Variants in STXBP5 observed in about 807,000 individuals in gnomAD.
The protein encoded by STXBP5 is syntaxin-binding protein 5.
Under a neutral mutation model 152.4 loss-of-function variants are expected in STXBP5, and 50 were observed. The observed-to-expected ratio is 0.33, with a 90% confidence interval of 0.26 to 0.42. The LOEUF is 0.42. Among genes scored for constraint, STXBP5 ranks in the 10% least tolerant of loss-of-function variants. The pLI, the probability that STXBP5 is intolerant of heterozygous loss-of-function variation, is 1.00. For missense variants in STXBP5, 1,167 were observed against 1,388.6 expected (o/e 0.84, Z 2.54); for synonymous variants, 492 against 494.7 (o/e 0.99, Z 0.07).
intron 2 of STXBP5, among the ~76,000 whole-genome samples, chr6:147,214,371 C>T (rs1184115338): frequency 1.3e-5 from 2 of 151,970 alleles, no homozygotes; most frequent in Non-Finnish European, 1.5e-5. Context: ...CTCTGTTTAC[C>T]ATGTAACTTA....
In STXBP5 at chr6:147,388,619, A is replaced by T. The variant is rs759821240; in HGVS notation, c.*3864A>T. 3.3e-5 allele frequency: 5 copies of T among 151,394 alleles called. No individual in the cohort carries two copies. Among genetic ancestry groups the T allele is most frequent in the African/African-American group, 4.8e-5 (2 of 41,368 alleles). 9.4% of individuals were successfully genotyped at this position (151,394 alleles called of 1,614,324 possible). A position where few individuals can be genotyped will look rare whatever the true frequency, so the allele number is the denominator to read the frequency against. On this transcript the variant is annotated 3_prime_UTR_variant, in exon 28 of 28. Transcript: ENST00000321680. ...GATACAATTAATTTTAAAAAATCATACATCATTTAAAAATCTTCACACATG... is the reference window on the plus strand; with the variant it reads ...GATACAATTAATTTTAAAAAATCATTCATCATTTAAAAATCTTCACACATG...
intron 2 of STXBP5, 73 bp downstream of exon 2, chr6:147,206,141 C>G (rs937697226): frequency 3.8e-5 from 51 of 1,325,334 alleles, no homozygotes; most frequent in Admixed American, 7.5e-5. Context: ...CTGATTAGTT[C>G]CAAAGAAAGT....
chr6:147,264,161 C>G (rs890620210), intron 6 of STXBP5, among the ~76,000 whole-genome samples: 3 of 151,768 alleles, frequency 2.0e-5, no homozygotes, highest in Non-Finnish European at 4.4e-5. Context: ...AGACTCTTTC[C>G]TGTTTGCAAA....
intron 25 of STXBP5, among the ~76,000 whole-genome samples, chr6:147,369,061 A>G (rs1034853782): frequency 6.6e-6 from 1 of 152,088 alleles, no homozygotes; most frequent in African/African-American, 2.4e-5. Context: ...TGGAAGGGCT[A>G]ACACTACCTT....
chr6:147,331,379 A>T (rs1783561390), intron 18 of STXBP5, among the ~76,000 whole-genome samples: 1 of 152,240 alleles, frequency 6.6e-6, no homozygotes, highest in Non-Finnish European at 1.5e-5. Flanking sequence ...TTACATATAG[A>T]ACAGAAAACA....
At chr6:147,359,854 C>T (rs183794949) in intron 23 of STXBP5, among the ~76,000 whole-genome samples, 6 of 152,056 alleles carry the variant, frequency 3.9e-5, no homozygotes, top group African/African-American at 1.4e-4. Flanking sequence ...TTAATCCAGT[C>T]TATCATTGTT....
chr6:147,319,391 T>C (rs1200701141), intron 16 of STXBP5, among the ~76,000 whole-genome samples: 1 of 152,194 alleles, frequency 6.6e-6, no homozygotes, highest in East Asian at 1.9e-4. Flanking sequence ...CCACTGATAG[T>C]AAAACACTAG....
chr6:147,386,732 ATTTTAAAGGTACAGTT>A lies in STXBP5; in HGVS notation c.*1980_*1995del, dbSNP rs1208733308. ...TATGTCACAGGAATTGTTAGGTCCT[ATTTTAAAGGTACAGTT>A]TTGTGAATGTCATCAATAAAATCAA... is the stretch of plus-strand genomic sequence containing the variant. On this transcript the variant is annotated 3_prime_UTR_variant, in exon 28 of 28. Coordinates refer to ENST00000321680, the MANE Select transcript of STXBP5 (RefSeq NM_001127715.4). The A allele has an allele frequency of 6.6e-6, 1 of 151,838 alleles. No individual in the cohort carries two copies. The highest frequency in any genetic ancestry group is 6.6e-5 in the Admixed American group (1 of 15,206). The allele number at this position is 151,838 out of a possible 1,614,324, so 9.4% of individuals were successfully genotyped here. A position where few individuals can be genotyped will look rare whatever the true frequency, so the allele number is the denominator to read the frequency against.
intron 11 of STXBP5, 108 bp downstream of exon 11, chr6:147,311,635 C>A: frequency 1.2e-6 from 1 of 813,164 alleles, no homozygotes; most frequent in Middle Eastern, 2.9e-4. Flanking sequence ...ACATTTATAT[C>A]CATAACCTTG....
In STXBP5 at chr6:147,315,687, C is replaced by A; in HGVS notation, c.1575C>A (p.Val525=). The A allele has an allele frequency of 6.2e-7, 1 of 1,613,750 alleles. No homozygotes were observed. The highest frequency in any genetic ancestry group is 8.5e-7 in the Non-Finnish European group (1 of 1,179,798). Residue 525 remains valine (V), a synonymous_variant, in exon 15 of 28, where the codon GTC becomes GTA. Coordinates refer to ENST00000321680, the MANE Select transcript of STXBP5 (RefSeq NM_001127715.4). The stretch of plus-strand genomic sequence containing the variant: ...GCATCGCTGGAGTTTCAGCTCATGT[C>A]ATTATTTATAGATTCAGCAAGCAGG... The part of the protein sequence containing the change: ...MLCIAGVSAH[V]IIYRFSKQEV...
chr6:147,333,478 T>C (rs1438045045), intron 18 of STXBP5, among the ~76,000 whole-genome samples: 1 of 152,118 alleles, frequency 6.6e-6, no homozygotes, highest in African/African-American at 2.4e-5. Flanking sequence ...GAGCCAAAAT[T>C]GCACCACTGC....
chr6:147,357,155 A>G (rs1317971666), intron 22 of STXBP5, among the ~76,000 whole-genome samples: 1 of 152,112 alleles, frequency 6.6e-6, no homozygotes, highest in Non-Finnish European at 1.5e-5. Flanking sequence ...GTCATGGGAG[A>G]GATACATGGC....
intron 22 of STXBP5, among the ~76,000 whole-genome samples, chr6:147,357,953 A>G (rs1784886586): frequency 6.6e-6 from 1 of 152,160 alleles, no homozygotes; most frequent in African/African-American, 2.4e-5. Context: ...AGGGCTTGAG[A>G]CAAGCTTGGG....
intron 5 of STXBP5, among the ~76,000 whole-genome samples, chr6:147,261,102 A>G (rs1779619992): frequency 6.6e-6 from 1 of 152,016 alleles, no homozygotes; most frequent in Non-Finnish European, 1.5e-5. Context: ...GTCATGACCC[A>G]CAAATGAGTT....
chr6:147,355,755 A>G lies in STXBP5; in HGVS notation c.2305+2382A>G, dbSNP rs529010245. 2.0e-5 allele frequency among the ~76,000 whole-genome samples: 3 copies of G among 151,974 alleles called. No homozygotes were observed. In the South Asian group the frequency reaches 6.2e-4, roughly 31 times the overall value. On this transcript the variant is annotated intron_variant, in intron 22 of 27. Coordinates refer to ENST00000321680, the MANE Select transcript of STXBP5 (RefSeq NM_001127715.4). Reference sequence around the variant, plus strand: ...TTATGTAGATTCAATAAAATGATAAATGTAAAGTATTAGTGCCTGGCACAT... The same window carrying G: ...TTATGTAGATTCAATAAAATGATAAGTGTAAAGTATTAGTGCCTGGCACAT...
At chr6:147,340,784 A>T (rs1248066802) in intron 21 of STXBP5, among the ~76,000 whole-genome samples, 1 of 152,132 alleles carries the variant, frequency 6.6e-6, no homozygotes, top group African/African-American at 2.4e-5. Flanking sequence ...TAAATAGAAT[A>T]TGTAACATGT....
intron 19 of STXBP5, 132 bp from the exon 20 acceptor site, chr6:147,339,047 C>G (rs1183861325): frequency 1.4e-6 from 1 of 726,208 alleles, no homozygotes; most frequent in Non-Finnish European, 2.3e-6. Context: ...TACATGGCCT[C>G]TTCTTGTGGT....
intron 2 of STXBP5, among the ~76,000 whole-genome samples, chr6:147,211,143 C>T (rs545066870): frequency 6.6e-6 from 1 of 151,964 alleles, no homozygotes; most frequent in African/African-American, 2.4e-5. Context: ...AACCCCATCT[C>T]TACTAAAAAC....
At chr6:147,361,398 T>C (rs1404364466) in intron 23 of STXBP5, among the ~76,000 whole-genome samples, 1 of 152,150 alleles carries the variant, frequency 6.6e-6, no homozygotes, top group Admixed American at 6.5e-5. Flanking sequence ...ATAACTTTCA[T>C]ATGTAAGAAA....
Sources: allele counts gnomAD v4.1 joint callset (sites outside exome capture counted in the v4.1 genomes callset), GRCh38; gene constraint gnomAD v4.1.1; transcripts MANE v1.5; gene names NCBI Gene and HGNC (gene_info 2026-07-23, HGNC 2026-07-21).